CD38: variants seen among roughly 807,000 people sequenced by gnomAD.
The protein encoded by CD38 is CD38 molecule.
A neutral mutation model predicts 36.3 loss-of-function variants in CD38; 31 were observed. The ratio of observed to expected loss-of-function variants is 0.85; its 90% CI spans 0.64 to 1.15. The LOEUF is 1.15. CD38 is among the 50% of genes most tolerant of loss of function. CD38 has a pLI of 0.00. For synonymous variants in CD38, 131 were observed against 135.2 expected (o/e 0.97, Z 0.22); for missense variants, 380 against 371.9 (o/e 1.02, Z -0.18).
At chr4:15,794,081 G>A (rs188763115) in intron 1 of CD38, among the ~76,000 whole-genome samples, 69 of 152,288 alleles carry the variant, frequency 4.5e-4, no homozygotes, top group African/African-American at 1.4e-3. Flanking sequence ...TAAACAACTC[G>A]TAAGTTTTAA....
intron 1 of CD38, among the ~76,000 whole-genome samples, chr4:15,813,901 A>G (rs983133237): frequency 1.3e-5 from 2 of 152,216 alleles, no homozygotes; most frequent in Non-Finnish European, 2.9e-5. Context: ...TAGTGCTCCA[A>G]TAAACATATG....
rs1560319116 is a variant in CD38 at position 15,834,315 on chromosome 4, T to C, written c.585+13T>C. ...GGTTTCCCGCAGGGTAAGTACCAAG[T>C]AGTGAAATTCTAGAGCTTTGGAGAC... On this transcript the variant is annotated intron_variant, in intron 4 of 7. Coordinates refer to ENST00000226279, the MANE Select transcript of CD38 (RefSeq NM_001775.4). 1.3e-6 allele frequency: 2 copies of C among 1,563,828 alleles called. No individual in the cohort carries two copies. The highest frequency in any genetic ancestry group is 1.8e-6 in the Non-Finnish European group (2 of 1,133,978).
At chr4:15,798,211 T>C (rs1213083926) in intron 1 of CD38, among the ~76,000 whole-genome samples, 1 of 152,206 alleles carries the variant, frequency 6.6e-6, no homozygotes, top group Admixed American at 6.5e-5. Flanking sequence ...AAAATGTTGT[T>C]GACACACATA....
intron 3 of CD38, 30 bp downstream of exon 3, chr4:15,825,046 A>AG: frequency 6.4e-7 from 1 of 1,574,460 alleles, no homozygotes; most frequent in Non-Finnish European, 8.6e-7. Context: ...GGGATTGCCC[A>AG]GGGATGTGGA....
chr4:15,790,946 C>T (rs560994884), intron 1 of CD38, among the ~76,000 whole-genome samples: 93 of 149,450 alleles, frequency 6.2e-4, no homozygotes, highest in Non-Finnish European at 1.2e-3. Context: ...CTGGCAACCG[C>T]CCCGTCTGAG....
intron 1 of CD38, among the ~76,000 whole-genome samples, chr4:15,779,587 T>C (rs1015630645): frequency 2.0e-5 from 3 of 152,134 alleles, no homozygotes; most frequent in Middle Eastern, 3.2e-3. Flanking sequence ...AACGAGCAAA[T>C]AGACCTCCCT....
chr4:15,810,379 T>C (rs1302838514), intron 1 of CD38, among the ~76,000 whole-genome samples: 7 of 152,222 alleles, frequency 4.6e-5, no homozygotes. Flanking sequence ...TCTTTTGTAG[T>C]GGAAAATTAT....
chr4:15,806,767 G>C (rs772200311), intron 1 of CD38, among the ~76,000 whole-genome samples: 4 of 152,190 alleles, frequency 2.6e-5, no homozygotes, highest in Non-Finnish European at 5.9e-5. Context: ...CATTGACCTT[G>C]AATCTTGACA....
intron 3 of CD38, chr4:15,825,521 A>T (rs566691064): frequency 1.3e-5 from 2 of 152,988 alleles, no homozygotes; most frequent in African/African-American, 4.8e-5. Flanking sequence ...CTGGGGGTCG[A>T]ATTTCAACAT....
At chr4:15,833,059 C>A (rs1411957397) in intron 3 of CD38, among the ~76,000 whole-genome samples, 1 of 152,180 alleles carries the variant, frequency 6.6e-6, no homozygotes, top group Admixed American at 6.5e-5. Context: ...TATTCCAAGG[C>A]CCAAGGACTC....
intron 1 of CD38, among the ~76,000 whole-genome samples, chr4:15,809,126 CG>C (rs1409571948): frequency 6.6e-6 from 1 of 152,126 alleles, no homozygotes; most frequent in Non-Finnish European, 1.5e-5. Context: ...CAGATGGCTG[CG>C]TGAAGAAAGC....
chr4:15,829,901 G>A (rs375498388), intron 3 of CD38, among the ~76,000 whole-genome samples: 72 of 152,156 alleles, frequency 4.7e-4, no homozygotes, highest in African/African-American at 1.2e-3. Context: ...TTCTATTCAT[G>A]TTGTTGCAAA....
At position 15,834,291 on chromosome 4, in the gene CD38, G is replaced by T. The variant is rs1267538940; in HGVS notation, c.574G>T (p.Val192Phe). Residue 192 changes from valine to phenylalanine, a missense_variant, in exon 4 of 8, where the codon GTT becomes TTT. Physicochemically the swap from Val to Phe is conservative, Grantham distance 50. Coordinates refer to ENST00000226279, the MANE Select transcript of CD38 (RefSeq NM_001775.4). Reference sequence around the variant, plus strand: ...CCCTGTTTCAGTATTCTGGAAAACGGTTTCCCGCAGGGTAAGTACCAAGTA... The same window carrying T: ...CCCTGTTTCAGTATTCTGGAAAACGTTTTCCCGCAGGGTAAGTACCAAGTA... ...NNPVSVFWKT[V>F]SRRFAEAACD... is the part of the protein sequence containing the mutation. The T allele has an allele frequency of 1.2e-6, 2 of 1,609,006 alleles. No individual in the cohort carries two copies. The highest frequency in any genetic ancestry group is 2.2e-5 in the South Asian group (2 of 90,984).
intron 2 of CD38, among the ~76,000 whole-genome samples, chr4:15,818,685 C>G (rs1405753318): frequency 6.6e-6 from 1 of 152,178 alleles, no homozygotes; most frequent in African/African-American, 2.4e-5. Context: ...TGTTCTGTAG[C>G]CTCCACTCGT....
intron 2 of CD38, among the ~76,000 whole-genome samples, chr4:15,820,272 A>G (rs916418935): frequency 6.6e-6 from 1 of 152,208 alleles, no homozygotes; most frequent in Non-Finnish European, 1.5e-5. Context: ...GACACTATGA[A>G]GCAACTACGT....
chr4:15,787,229 G>C lies in CD38; in HGVS notation c.233+8582G>C, dbSNP rs528278588. 3.3e-5 allele frequency among the ~76,000 whole-genome samples: 5 copies of C among 152,386 alleles called. No homozygotes were observed. The South Asian group carries it at 1.0e-3, about 32-fold the overall frequency. On this transcript the variant is annotated intron_variant, in intron 1 of 7. Transcript: ENST00000226279. ...GCAGAGGCCGGGGGGCACTGAGAGC[G>C]AGCGAGGGCCACCAGCACGTTGTCT...
chr4:15,817,859 T>G (rs1050794541), intron 2 of CD38, among the ~76,000 whole-genome samples: 1 of 152,116 alleles, frequency 6.6e-6, no homozygotes, highest in Non-Finnish European at 1.5e-5. Context: ...TGCATTTCCA[T>G]CTGAGATCAG....
At chr4:15,834,504 G>T (rs1017485573) in intron 4 of CD38, among the ~76,000 whole-genome samples, 1 of 152,154 alleles carries the variant, frequency 6.6e-6, no homozygotes, top group African/African-American at 2.4e-5. Flanking sequence ...GAGGGTCCAT[G>T]GGCTCCAGTT....
chr4:15,839,982 C>T (rs768012277), intron 5 of CD38, 44 bp from the exon 6 acceptor site: 18 of 1,373,428 alleles, frequency 1.3e-5, no homozygotes, highest in Middle Eastern at 1.8e-4. Context: ...TGGATGCTTT[C>T]GTTTGGGGTT....
Sources: gnomAD v4.1 joint callset for allele counts (sites outside exome capture counted in the v4.1 genomes callset) on GRCh38, gnomAD v4.1.1 for gene constraint, MANE v1.5 for transcripts, NCBI Gene and HGNC (gene_info 2026-07-23, HGNC 2026-07-21) for gene names.